The following ATAD2B variants were observed in gnomAD, a reference collection of about 807,000 sequenced individuals.
ATAD2B encodes the protein ATPase family AAA domain-containing protein 2B.
In ATAD2B, 40 loss-of-function variants were observed where a neutral mutation model predicts 167.6. That is an observed-to-expected ratio of 0.24 (90% CI 0.19 to 0.31). ATAD2B has a LOEUF of 0.31. Among genes scored for constraint, ATAD2B ranks in the 10% least tolerant of loss-of-function variants. The probability of loss-of-function intolerance (pLI) is 1.00; values close to 1 mark genes in which losing one functional copy is unlikely to be tolerated. For synonymous variants in ATAD2B, 579 were observed against 596.5 expected, an observed-to-expected ratio of 0.97 and a Z score of 0.43; for missense variants, 1,242 against 1,757.2, an observed-to-expected ratio of 0.71 and a Z score of 5.24.
At chr2:23,855,148 C>T (rs1490267762) in intron 13 of ATAD2B, among the ~76,000 whole-genome samples, 5 of 150,306 alleles carry the variant, frequency 3.3e-5, no homozygotes, top group African/African-American at 7.3e-5. Context: ...GAGCTGAGAT[C>T]GCACCACTGC....
chr2:23,780,013 G>A (rs545894889), intron 22 of ATAD2B, among the ~76,000 whole-genome samples: 1 of 152,296 alleles, frequency 6.6e-6, no homozygotes, highest in South Asian at 2.1e-4. Flanking sequence ...GGGAGGCCAA[G>A]GTGGGCAGAT....
the ATAD2B span, among the ~76,000 whole-genome samples, chr2:23,735,294 C>T: frequency 0.71 from 107,793 of 152,020 alleles, 39,052 homozygotes; most frequent in East Asian, 0.84. Context: ...GCCCTTTAAA[C>T]TCAATACTTA....
rs1394221397 is a variant in ATAD2B at position 23,781,336 on chromosome 2, AT to A, written c.3133+1532del. Among the ~76,000 whole-genome samples, 7 of 113,914 alleles carry A rather than the reference AT, an allele frequency of 6.1e-5. No individual in the cohort carries two copies. The East Asian group carries it at 8.5e-4, about 14-fold the overall frequency. The allele number at this position is 113,914 out of a possible 152,430, so 74.7% of individuals were successfully genotyped here. On this transcript the variant is annotated intron_variant, in intron 22 of 27. Transcript: ENST00000238789. ...TGAACATTGTCCTGACCACAAAAAA[AT>A]AAATAAATAAATAAATAAATAAATA...
At chr2:23,882,235 A>T (rs1324051413) in intron 6 of ATAD2B, among the ~76,000 whole-genome samples, 11 of 151,070 alleles carry the variant, frequency 7.3e-5, no homozygotes, top group African/African-American at 2.7e-4. Context: ...ACAGAATCTC[A>T]CTGTCACCCA....
At chr2:23,718,306 G>A in the ATAD2B span, among the ~76,000 whole-genome samples, 1 of 152,134 alleles carries the variant, frequency 6.6e-6, no homozygotes, top group African/African-American at 2.4e-5. Context: ...ACCCAGGTGA[G>A]CCCTAGGAAA....
intron 1 of ATAD2B, among the ~76,000 whole-genome samples, chr2:23,919,980 G>A (rs951862234): frequency 2.6e-5 from 4 of 151,790 alleles, no homozygotes; most frequent in East Asian, 1.9e-4. Flanking sequence ...GCAAAACCTC[G>A]TCTCTACTAA....
At chr2:23,738,362 T>C in the ATAD2B span, among the ~76,000 whole-genome samples, 4 of 152,334 alleles carry the variant, frequency 2.6e-5, no homozygotes, top group Admixed American at 6.5e-5. Flanking sequence ...CTGCAGAAAC[T>C]CTACCAGCCA....
chr2:23,794,678 C>G (rs918280345), intron 19 of ATAD2B, among the ~76,000 whole-genome samples: 2 of 151,840 alleles, frequency 1.3e-5, no homozygotes, highest in Non-Finnish European at 2.9e-5. Context: ...ATATTATAAA[C>G]CATATACACA....
chr2:23,745,345 G>A (rs1275138503), downstream of ATAD2B, among the ~76,000 whole-genome samples: 1 of 145,844 alleles, frequency 6.9e-6, no homozygotes, highest in African/African-American at 2.6e-5. Flanking sequence ...AAGAGACAGA[G>A]AGGGATGGAA....
intron 1 of ATAD2B, among the ~76,000 whole-genome samples, chr2:23,916,862 T>G (rs934675864): frequency 6.6e-6 from 1 of 152,124 alleles, no homozygotes; most frequent in African/African-American, 2.4e-5. Context: ...CAAATGTAGA[T>G]GAAAGGGCAC....
At chr2:23,775,358 C>T (rs888961894) in intron 22 of ATAD2B, among the ~76,000 whole-genome samples, 11 of 151,694 alleles carry the variant, frequency 7.3e-5, no homozygotes, top group African/African-American at 1.5e-4. Flanking sequence ...GGAATACAGG[C>T]GCACACCACC....
At chr2:23,803,313 TACACAC>T (rs150446002) in intron 18 of ATAD2B, among the ~76,000 whole-genome samples, 71 of 149,458 alleles carry the variant, frequency 4.8e-4, no homozygotes, top group African/African-American at 9.3e-4. Flanking sequence ...CATATGTGTG[TACACAC>T]ACACACACAC....
At chr2:23,882,615 T>C (rs1698096776) in intron 6 of ATAD2B, among the ~76,000 whole-genome samples, 1 of 150,720 alleles carries the variant, frequency 6.6e-6, no homozygotes, top group Non-Finnish European at 1.5e-5. Flanking sequence ...GAGACCATCC[T>C]GGCTAACACA....
chr2:23,709,452 A>T, the ATAD2B span, among the ~76,000 whole-genome samples: 1 of 152,242 alleles, frequency 6.6e-6, no homozygotes, highest in Non-Finnish European at 1.5e-5. Context: ...TGCTATGCTA[A>T]GGACTTGCGT....
chr2:23,889,311 G>A (rs529658388), intron 2 of ATAD2B, among the ~76,000 whole-genome samples: 1 of 151,940 alleles, frequency 6.6e-6, no homozygotes, highest in Non-Finnish European at 1.5e-5. Flanking sequence ...GGAATTACAG[G>A]CACGTGCCAC....
At chr2:23,897,297 T>G (rs1041835159) in intron 1 of ATAD2B, among the ~76,000 whole-genome samples, 9 of 152,200 alleles carry the variant, frequency 5.9e-5, no homozygotes, top group Non-Finnish European at 1.5e-5. Flanking sequence ...CCCTCATCAC[T>G]TGGTCAACCT....
At chr2:23,694,351 C>T in the ATAD2B span, among the ~76,000 whole-genome samples, 1 of 152,208 alleles carries the variant, frequency 6.6e-6, no homozygotes, top group Non-Finnish European at 1.5e-5. Context: ...AGTGGATCGA[C>T]TTCCCTCTCC....
chr2:23,810,535 G>A (rs754016786), intron 17 of ATAD2B, 33 bp from the exon 18 acceptor site: 14 of 1,544,098 alleles, frequency 9.1e-6, no homozygotes, highest in Non-Finnish European at 1.2e-5. Flanking sequence ...TTATTTCAAA[G>A]GCATACATTC....
At chr2:23,717,654 A>G in the ATAD2B span, among the ~76,000 whole-genome samples, 1 of 152,190 alleles carries the variant, frequency 6.6e-6, no homozygotes, top group South Asian at 2.1e-4. Flanking sequence ...AAAATAAGCA[A>G]CAAAAGGATC....
Sources: allele counts gnomAD v4.1 joint callset (sites outside exome capture counted in the v4.1 genomes callset), GRCh38; gene constraint gnomAD v4.1.1; transcripts MANE v1.5; gene names NCBI Gene and HGNC (gene_info 2026-07-23, HGNC 2026-07-21).